Variants in EXOC4 observed in about 807,000 individuals in gnomAD.
EXOC4 encodes SEC8-like 1.
A neutral mutation model predicts 107.2 loss-of-function variants in EXOC4; 71 were observed. That is an observed-to-expected ratio of 0.66 (90% CI 0.55 to 0.81). The LOEUF is 0.81. Among genes scored for constraint, EXOC4 ranks in the 30% least tolerant of loss-of-function variants. The probability of loss-of-function intolerance (pLI) is 0.00; values close to 1 mark genes in which losing one functional copy is unlikely to be tolerated. For missense variants in EXOC4, 1,108 were observed against 1,189.6 expected (o/e 0.93, Z 1.01); for synonymous variants, 456 against 441.2 (o/e 1.03, Z -0.42).
At chr7:133,752,014 T>TAAATAAATAAATAAA (rs75110052) in intron 10 of EXOC4, among the ~76,000 whole-genome samples, 6 of 151,482 alleles carry the variant, frequency 4.0e-5, no homozygotes, top group Non-Finnish European at 1.5e-5. Context: ...AATAAATAAA[T>TAAATAAATAAATAAA]TATCTGGGCA....
intron 8 of EXOC4, among the ~76,000 whole-genome samples, chr7:133,477,649 A>T (rs1210507471): frequency 6.6e-6 from 1 of 151,954 alleles, no homozygotes; most frequent in East Asian, 1.9e-4. Flanking sequence ...TAAATTTTCA[A>T]CTCATTTTTG....
chr7:133,270,537 A>G (rs992888166), intron 1 of EXOC4, among the ~76,000 whole-genome samples: 4 of 152,198 alleles, frequency 2.6e-5, no homozygotes, highest in Non-Finnish European at 5.9e-5. Flanking sequence ...GTCCTTTACC[A>G]TTTAAAGGGA....
intron 7 of EXOC4, among the ~76,000 whole-genome samples, chr7:133,393,085 G>C (rs1013980218): frequency 1.3e-5 from 2 of 151,880 alleles, no homozygotes; most frequent in Non-Finnish European, 2.9e-5. Context: ...CTTTCCTACT[G>C]TCCTTGCCCT....
intron 12 of EXOC4, among the ~76,000 whole-genome samples, chr7:133,896,600 A>G (rs1419508876): frequency 2.6e-5 from 4 of 151,840 alleles, no homozygotes; most frequent in African/African-American, 9.7e-5. Flanking sequence ...GAGAAACATA[A>G]AGGCAGGGGT....
chr7:133,611,901 C>G (rs908784964), intron 9 of EXOC4, among the ~76,000 whole-genome samples: 2 of 152,146 alleles, frequency 1.3e-5, no homozygotes, highest in Admixed American at 1.3e-4. Context: ...TTTATTTGCA[C>G]TATTGCTGAA....
chr7:133,315,718 A>T (rs1794976640), intron 4 of EXOC4, among the ~76,000 whole-genome samples: 1 of 152,202 alleles, frequency 6.6e-6, no homozygotes, highest in South Asian at 2.1e-4. Context: ...TTGGTAGAAA[A>T]GAGTTGTTGG....
intron 10 of EXOC4, chr7:133,733,060 C>A: frequency 5.2e-6 from 1 of 191,474 alleles, no homozygotes; most frequent in South Asian, 1.1e-4. Context: ...GACTGCAGAT[C>A]AGCAAGGCTC....
At chr7:133,647,436 C>A (rs145550917) in intron 10 of EXOC4, among the ~76,000 whole-genome samples, 1 of 152,206 alleles carries the variant, frequency 6.6e-6, no homozygotes, top group Admixed American at 6.5e-5. Context: ...GTATTCCTAG[C>A]AACTCTGTGT....
At chr7:133,296,933 T>C (rs1240792646) in intron 3 of EXOC4, among the ~76,000 whole-genome samples, 3 of 152,168 alleles carry the variant, frequency 2.0e-5, no homozygotes, top group Non-Finnish European at 4.4e-5. Flanking sequence ...CTTCAGTTAT[T>C]GACATTCTCC....
chr7:134,015,992 G>A (rs902081502), intron 17 of EXOC4, among the ~76,000 whole-genome samples: 1 of 152,100 alleles, frequency 6.6e-6, no homozygotes, highest in Non-Finnish European at 1.5e-5. Context: ...AAATTGGCAG[G>A]TCTTGGAGAG....
intron 11 of EXOC4, among the ~76,000 whole-genome samples, chr7:133,882,386 T>C (rs1296595072): frequency 6.6e-6 from 1 of 152,198 alleles, no homozygotes; most frequent in Non-Finnish European, 1.5e-5. Context: ...GATGAATTGA[T>C]CTTAATATAG....
chr7:133,962,806 G>GCAGT (rs1800977496), intron 14 of EXOC4, among the ~76,000 whole-genome samples: 1 of 152,294 alleles, frequency 6.6e-6, no homozygotes, highest in African/African-American at 2.4e-5. Flanking sequence ...CAATAAAAAT[G>GCAGT]CAGTCTCATA....
chr7:134,090,883 C>T, the EXOC4 span, among the ~76,000 whole-genome samples: 6 of 151,952 alleles, frequency 3.9e-5, no homozygotes, highest in African/African-American at 7.3e-5. Context: ...GGGACTTTAC[C>T]GAGAGGGGCC....
chr7:133,762,536 TGATA>T (rs934662458), intron 10 of EXOC4, among the ~76,000 whole-genome samples: 5 of 152,164 alleles, frequency 3.3e-5, no homozygotes, highest in African/African-American at 1.2e-4. Flanking sequence ...TGTTTTTCAC[TGATA>T]GATATTTATA....
At chr7:133,783,515 C>G (rs1796508902) in intron 10 of EXOC4, among the ~76,000 whole-genome samples, 1 of 152,156 alleles carries the variant, frequency 6.6e-6, no homozygotes, top group Admixed American at 6.5e-5. Context: ...TTCCTAGTGG[C>G]AGAGGGCCAG....
At chr7:133,847,442 G>A (rs185297398) in intron 11 of EXOC4, among the ~76,000 whole-genome samples, 4 of 150,780 alleles carry the variant, frequency 2.7e-5, no homozygotes, top group East Asian at 2.0e-4. Flanking sequence ...GCAGTGGCGC[G>A]GTCTCTGCTG....
At chr7:133,771,718 G>T (rs527332503) in intron 10 of EXOC4, among the ~76,000 whole-genome samples, 1 of 151,830 alleles carries the variant, frequency 6.6e-6, no homozygotes, top group Non-Finnish European at 1.5e-5. Flanking sequence ...TGCTACAGTC[G>T]CTCTTTATTG....
chr7:134,068,505 T>C (rs1322798532), downstream of EXOC4, among the ~76,000 whole-genome samples: 2 of 106,890 alleles, frequency 1.9e-5, no homozygotes, highest in Admixed American at 2.0e-4. Flanking sequence ...CATGTGGAAC[T>C]GTGAGTCCAT....
intron 14 of EXOC4, among the ~76,000 whole-genome samples, chr7:133,990,557 G>A (rs1794228407): frequency 6.6e-6 from 1 of 152,122 alleles, no homozygotes. Flanking sequence ...CCCGGTTCAA[G>A]CAATTCTCCT....
Sources: gnomAD v4.1 joint callset for allele counts (sites outside exome capture counted in the v4.1 genomes callset) on GRCh38, gnomAD v4.1.1 for gene constraint, MANE v1.5 for transcripts, NCBI Gene and HGNC (gene_info 2026-07-23, HGNC 2026-07-21) for gene names.